The following EFCAB3 variants were observed in gnomAD, a reference collection of about 807,000 sequenced individuals.
The protein encoded by EFCAB3 is EF-hand calcium binding domain 3, also known as EF-hand calcium-binding domain-containing protein 3.
In EFCAB3, 36 loss-of-function variants were observed where a neutral mutation model predicts 42.2. The ratio of observed to expected loss-of-function variants is 0.85; its 90% CI spans 0.65 to 1.13. The LOEUF is 1.13. Ranked by LOEUF, EFCAB3 falls within the 50% of genes most tolerant of loss-of-function variation. The pLI, the probability that EFCAB3 is intolerant of heterozygous loss-of-function variation, is 0.00. For missense variants in EFCAB3, 418 were observed against 505.1 expected, an observed-to-expected ratio of 0.83 and a Z score of 1.65; for synonymous variants, 170 against 172.8, an observed-to-expected ratio of 0.98 and a Z score of 0.13.
At chr17:62,392,080 A>G in intron 4 of EFCAB3, 115 bp downstream of exon 4, 1 of 761,666 alleles carries the variant, frequency 1.3e-6, no homozygotes, top group African/African-American at 1.8e-5. Flanking sequence ...GCCCCCCCAA[A>G]TATATATATA....
intron 5 of EFCAB3, among the ~76,000 whole-genome samples, chr17:62,394,458 G>A (rs74593140): frequency 0.063 from 9,524 of 152,232 alleles, 438 homozygotes; most frequent in South Asian, 0.25. Context: ...TCTGCTGGAG[G>A]TTAGAGAGCA....
upstream of EFCAB3, among the ~76,000 whole-genome samples, chr17:62,379,890 T>C (rs113225922): frequency 0.012 from 1,783 of 152,364 alleles, 18 homozygotes; most frequent in Middle Eastern, 0.017. Context: ...TGAGAGTTTT[T>C]TTGCCTCTCT....
At chr17:62,404,538 T>C (rs1421444361) in intron 6 of EFCAB3, among the ~76,000 whole-genome samples, 1 of 152,150 alleles carries the variant, frequency 6.6e-6, no homozygotes, top group Non-Finnish European at 1.5e-5. Context: ...GGCTCACGCC[T>C]GTAATCCCAG....
At chr17:62,411,072 G>A (rs971962428) in intron 8 of EFCAB3, among the ~76,000 whole-genome samples, 1 of 152,078 alleles carries the variant, frequency 6.6e-6, no homozygotes, top group Non-Finnish European at 1.5e-5. Context: ...TTTTAGATTG[G>A]TATTACCTTG....
chr17:62,397,411 T>C (rs533461605), intron 6 of EFCAB3: 33 of 444,180 alleles, frequency 7.4e-5, no homozygotes, highest in African/African-American at 2.0e-4. Context: ...GCAAGCGTCA[T>C]GGACTTCGTG....
In EFCAB3 at chr17:62,414,804, C is replaced by G. The variant is rs139154049; in HGVS notation, c.990+950C>G. 1.6e-3 allele frequency among the ~76,000 whole-genome samples: 248 copies of G among 152,140 alleles called. 1 individual carries two copies. The highest frequency in any genetic ancestry group is 3.4e-3 in the Middle Eastern group (1 of 292). ...TCCCCAGGTCTGGCTGATTGTCATT[C>G]TCTAAAAGGTTTTTCAGGGCTGGGC... On this transcript the variant is annotated intron_variant, in intron 9 of 9. Transcript: ENST00000305286.
Position 62,384,473 on chromosome 17 carries a change from G to A in EFCAB3, c.74+1420G>A, listed in dbSNP as rs147989206. Among the ~76,000 whole-genome samples the A allele has an allele frequency of 3.5e-3, 531 of 152,152 alleles. 4 individuals are homozygous for A. Among genetic ancestry groups the A allele is most frequent in the African/African-American group, 0.012 (499 of 41,510 alleles). Reference sequence around the variant, plus strand: ...CCAAAAAAGATACAAAAATTAACTGGGTGTGGTGGTGCACACTTGTAGTCC... The same window carrying A: ...CCAAAAAAGATACAAAAATTAACTGAGTGTGGTGGTGCACACTTGTAGTCC... On this transcript the variant is annotated intron_variant, in intron 2 of 9. Transcript: ENST00000305286.
At chr17:62,412,129 A>G (rs1359437257) in intron 8 of EFCAB3, among the ~76,000 whole-genome samples, 1 of 151,826 alleles carries the variant, frequency 6.6e-6, no homozygotes, top group African/African-American at 2.4e-5. Context: ...TAATCTCAGC[A>G]CTTTTGGAGG....
intron 4 of EFCAB3, 75 bp from the exon 5 acceptor site, chr17:62,393,498 T>A: frequency 8.4e-7 from 1 of 1,188,040 alleles, no homozygotes; most frequent in Non-Finnish European, 1.2e-6. Context: ...AGTGTTTTAA[T>A]TTTTATATTT....
At chr17:62,392,368 A>T (rs937468989) in intron 4 of EFCAB3, among the ~76,000 whole-genome samples, 2 of 151,766 alleles carry the variant, frequency 1.3e-5, no homozygotes, top group Non-Finnish European at 2.9e-5. Context: ...CAAGTTGTGA[A>T]ATCAAATTAA....
chr17:62,396,838 C>T (rs769161272), intron 6 of EFCAB3, among the ~76,000 whole-genome samples: 2 of 151,986 alleles, frequency 1.3e-5, no homozygotes, highest in Non-Finnish European at 2.9e-5. Context: ...GTGATTGTGC[C>T]ACTACACTCC....
chr17:62,382,781 C>T lies in EFCAB3; in HGVS notation c.-17-182C>T, dbSNP rs185963741. On this transcript the variant is annotated intron_variant, in intron 1 of 9. Coordinates refer to ENST00000305286, the MANE Select transcript of EFCAB3 (RefSeq NM_173503.4). The stretch of plus-strand genomic sequence containing the variant: ...AACTTTGCTCAGAAATCGGGAACAA[C>T]GAAGGGGAATTTCCACATGGCATTC... Among the ~76,000 whole-genome samples, 187 of 152,286 alleles carry T rather than the reference C, an allele frequency of 1.2e-3. No individual in the cohort carries two copies. The Middle Eastern group carries it at 0.017, about 14-fold the overall frequency.
intron 6 of EFCAB3, among the ~76,000 whole-genome samples, chr17:62,396,128 C>T (rs924239588): frequency 1.3e-5 from 2 of 152,144 alleles, no homozygotes; most frequent in African/African-American, 2.4e-5. Flanking sequence ...TAATACCTAC[C>T]TTATAGGACA....
chr17:62,400,867 G>A (rs1412225492), intron 6 of EFCAB3, among the ~76,000 whole-genome samples: 10 of 152,050 alleles, frequency 6.6e-5, no homozygotes, highest in Non-Finnish European at 1.5e-4. Context: ...TAAAACTACA[G>A]TTTTACACAG....
chr17:62,373,899 TATA>T, intron 2 of EFCAB3: 1 of 1,116,146 alleles, frequency 9.0e-7, no homozygotes, highest in Non-Finnish European at 1.3e-6. Flanking sequence ...AATATAAAAT[TATA>T]ATCTGATGCT....
upstream of EFCAB3, among the ~76,000 whole-genome samples, chr17:62,376,419 G>T (rs987630454): frequency 6.6e-6 from 1 of 152,078 alleles, no homozygotes; most frequent in Admixed American, 6.5e-5. Flanking sequence ...AGCCGAGATC[G>T]CACCACTGCA....
chr17:62,415,618 C>T lies in EFCAB3; in HGVS notation c.991-385C>T, dbSNP rs184283767. Among the ~76,000 whole-genome samples, 978 of 152,170 alleles carry T rather than the reference C, an allele frequency of 6.4e-3. 32 individuals are homozygous for T. Among genetic ancestry groups the T allele is most frequent in the Admixed American group, 0.055 (844 of 15,278 alleles). ...AACACCTTCCCCTCACCACTTACTC[C>T]GTCAATTTGATCACATCCTTGAGGA... On this transcript the variant is annotated intron_variant, in intron 9 of 9. Coordinates refer to ENST00000305286, the MANE Select transcript of EFCAB3 (RefSeq NM_173503.4).
intron 3 of EFCAB3, 122 bp from the exon 4 acceptor site, chr17:62,391,700 T>C (rs2070303833): frequency 9.1e-7 from 1 of 1,100,108 alleles, no homozygotes; most frequent in African/African-American, 1.6e-5. Context: ...AGCACTCATT[T>C]TTTTCGCAAT....
At chr17:62,408,988 A>G (rs1317862949) in intron 8 of EFCAB3, among the ~76,000 whole-genome samples, 1 of 152,112 alleles carries the variant, frequency 6.6e-6, no homozygotes, top group African/African-American at 2.4e-5. Flanking sequence ...CAATCCCCAC[A>G]TTGTCATTGT....
Sources: allele counts gnomAD v4.1 joint callset (sites outside exome capture counted in the v4.1 genomes callset), GRCh38; gene constraint gnomAD v4.1.1; transcripts MANE v1.5; gene names NCBI Gene and HGNC (gene_info 2026-07-23, HGNC 2026-07-21).